The following SPAG16 variants were observed in gnomAD, a reference collection of about 807,000 sequenced individuals.
The protein encoded by SPAG16 is sperm-associated antigen 16 protein.
Under a neutral mutation model 80.4 loss-of-function variants are expected in SPAG16, and 86 were observed. The ratio of observed to expected loss-of-function variants is 1.07; its 90% CI spans 0.90 to 1.28. The LOEUF is 1.28. Among genes scored for constraint, SPAG16 ranks in the 50% most tolerant of loss-of-function variants. The pLI is 0.00. For missense variants in SPAG16, 870 were observed against 765.3 expected (o/e 1.14, Z -1.61); for synonymous variants, 294 against 265.9 (o/e 1.11, Z -1.03).
chr2:214,346,584 A>G (rs1354355521), intron 15 of SPAG16, among the ~76,000 whole-genome samples: 1 of 152,144 alleles, frequency 6.6e-6, no homozygotes, highest in East Asian at 1.9e-4. Context: ...TCAATAATAG[A>G]AAACTGAGGA....
chr2:213,894,129 G>A (rs928017360), intron 11 of SPAG16, among the ~76,000 whole-genome samples: 1 of 152,060 alleles, frequency 6.6e-6, no homozygotes, highest in African/African-American at 2.4e-5. Context: ...CAGATTAAAG[G>A]CTATAAAGGA....
chr2:213,859,077 G>A (rs1242644150), intron 10 of SPAG16, among the ~76,000 whole-genome samples: 1 of 147,486 alleles, frequency 6.8e-6, no homozygotes, highest in African/African-American at 2.5e-5. Context: ...TACTCAAGAG[G>A]CTAAGGCAGG....
At chr2:214,327,610 A>G (rs756961947) in intron 15 of SPAG16, among the ~76,000 whole-genome samples, 1 of 152,192 alleles carries the variant, frequency 6.6e-6, no homozygotes, top group Non-Finnish European at 1.5e-5. Context: ...GAGTCATCTC[A>G]GGGCAATAGT....
At chr2:213,518,201 C>T (rs2075516605) in intron 10 of SPAG16, among the ~76,000 whole-genome samples, 1 of 152,206 alleles carries the variant, frequency 6.6e-6, no homozygotes, top group Non-Finnish European at 1.5e-5. Context: ...AAAACATGCT[C>T]ATCATCTGCC....
At chr2:213,928,809 T>C (rs1166762432) in intron 11 of SPAG16, among the ~76,000 whole-genome samples, 1 of 151,462 alleles carries the variant, frequency 6.6e-6, no homozygotes, top group Non-Finnish European at 1.5e-5. Flanking sequence ...TACAATTCGG[T>C]GAGAGAAAGT....
At chr2:213,998,282 C>T (rs569261329) in intron 12 of SPAG16, among the ~76,000 whole-genome samples, 127 of 152,220 alleles carry the variant, frequency 8.3e-4, no homozygotes, top group Non-Finnish European at 1.4e-3. Flanking sequence ...CCCATAATTC[C>T]CATGTGTTCT....
chr2:213,805,776 A>G (rs2071729746), intron 10 of SPAG16, among the ~76,000 whole-genome samples: 1 of 152,204 alleles, frequency 6.6e-6, no homozygotes, highest in African/African-American at 2.4e-5. Context: ...AAAATACAGT[A>G]AAATGTCTAT....
chr2:214,110,481 G>GCTGCA (rs2053609411), intron 14 of SPAG16, among the ~76,000 whole-genome samples: 1 of 152,082 alleles, frequency 6.6e-6, no homozygotes, highest in Non-Finnish European at 1.5e-5. Flanking sequence ...CTTTTTTATG[G>GCTGCA]CTGCATAGTA....
intron 10 of SPAG16, among the ~76,000 whole-genome samples, chr2:213,698,181 G>C (rs78756660): frequency 2.0e-5 from 3 of 151,888 alleles, no homozygotes; most frequent in Non-Finnish European, 4.4e-5. Flanking sequence ...CTCTCTGACC[G>C]TTCTTCTTTA....
intron 10 of SPAG16, among the ~76,000 whole-genome samples, chr2:213,796,365 T>C (rs1273742177): frequency 6.6e-6 from 1 of 152,214 alleles, no homozygotes; most frequent in Non-Finnish European, 1.5e-5. Context: ...TATATTTGTC[T>C]CTTCTGGACA....
intron 7 of SPAG16, among the ~76,000 whole-genome samples, chr2:213,352,001 G>A (rs972280036): frequency 1.1e-4 from 16 of 151,972 alleles, no homozygotes; most frequent in Non-Finnish European, 1.8e-4. Context: ...ATAATTGAGT[G>A]AGTCTCAAGA....
At chr2:213,349,909 A>G (rs748394694) in intron 6 of SPAG16, among the ~76,000 whole-genome samples, 1 of 152,160 alleles carries the variant, frequency 6.6e-6, no homozygotes, top group Non-Finnish European at 1.5e-5. Context: ...GCATTTCTCA[A>G]AACTCTGAAC....
At chr2:214,203,503 G>GT (rs1242449014) in intron 15 of SPAG16, among the ~76,000 whole-genome samples, 1 of 152,156 alleles carries the variant, frequency 6.6e-6, no homozygotes, top group Non-Finnish European at 1.5e-5. Context: ...ACTGTCCAAA[G>GT]TATGAAAGGG....
chr2:213,553,407 A>G (rs2076843362), intron 10 of SPAG16, among the ~76,000 whole-genome samples: 2 of 152,320 alleles, frequency 1.3e-5, no homozygotes, highest in South Asian at 2.1e-4. Flanking sequence ...GGCTATCAGC[A>G]TGGTTCATTG....
chr2:214,382,496 G>T (rs1318009675), intron 15 of SPAG16, among the ~76,000 whole-genome samples: 2 of 152,176 alleles, frequency 1.3e-5, no homozygotes, highest in Non-Finnish European at 2.9e-5. Context: ...ATGTGCAGCA[G>T]ATCTTGTTTC....
chr2:213,330,986 C>T (rs1022017838), intron 5 of SPAG16, among the ~76,000 whole-genome samples: 1 of 152,182 alleles, frequency 6.6e-6, no homozygotes, highest in African/African-American at 2.4e-5. Context: ...ATTGTGAGGC[C>T]TCCCCTGCCA....
intron 12 of SPAG16, among the ~76,000 whole-genome samples, chr2:213,989,383 T>C (rs1228296845): frequency 6.6e-6 from 1 of 152,162 alleles, no homozygotes; most frequent in Non-Finnish European, 1.5e-5. Flanking sequence ...GAAAAGCAAG[T>C]GCCAGTTGCA....
chr2:214,295,704 T>C (rs1432744881), intron 15 of SPAG16, among the ~76,000 whole-genome samples: 1 of 152,050 alleles, frequency 6.6e-6, no homozygotes, highest in Non-Finnish European at 1.5e-5. Flanking sequence ...GGCTGCAGAA[T>C]TGCTTGAACC....
At chr2:213,551,992 A>G (rs746090777) in intron 10 of SPAG16, among the ~76,000 whole-genome samples, 3 of 152,078 alleles carry the variant, frequency 2.0e-5, no homozygotes, top group Non-Finnish European at 4.4e-5. Context: ...ATCTGCCTCC[A>G]TTCATGCTAC....
Sources: allele counts gnomAD v4.1 joint callset (sites outside exome capture counted in the v4.1 genomes callset), GRCh38; gene constraint gnomAD v4.1.1; transcripts MANE v1.5; gene names NCBI Gene and HGNC (gene_info 2026-07-23, HGNC 2026-07-21).